SYNE1: variants seen among roughly 807,000 people sequenced by gnomAD.
The protein encoded by SYNE1 is nesprin-1.
Under a neutral mutation model 1,111.0 loss-of-function variants are expected in SYNE1, and 616 were observed. That is an observed-to-expected ratio of 0.55 (90% CI 0.52 to 0.59). The LOEUF is 0.59. Ranked by LOEUF, SYNE1 falls within the 20% of genes least tolerant of loss-of-function variation. The pLI is 0.00. For synonymous variants in SYNE1, 3,855 were observed against 3,825.8 expected, an observed-to-expected ratio of 1.01 and a Z score of -0.28; for missense variants, 10,006 against 10,417.0, an observed-to-expected ratio of 0.96 and a Z score of 1.72.
intron 63 of SYNE1, among the ~76,000 whole-genome samples, chr6:152,364,453 C>CT (rs5880969): frequency 0.02 from 3,014 of 147,978 alleles, 49 homozygotes; most frequent in African/African-American, 0.046. Flanking sequence ...CATTATGAAT[C>CT]TTTTTTTTTT....
At chr6:152,305,686 A>G (rs1341534243) in intron 91 of SYNE1, among the ~76,000 whole-genome samples, 1 of 152,202 alleles carries the variant, frequency 6.6e-6, no homozygotes, top group Non-Finnish European at 1.5e-5. Flanking sequence ...CAAGACAGAA[A>G]ATACAGGCAG....
In SYNE1 at chr6:152,221,409, G is replaced by A. The variant is rs1366878097; in HGVS notation, c.21656+17C>T. ...GGCTGTGATATAAATAGTGTGTAAA[G>A]TTAACATACTCCATACCTCATGTTG... On this transcript the variant is annotated intron_variant, in intron 118 of 145. Coordinates refer to ENST00000367255, the MANE Select transcript of SYNE1 (RefSeq NM_182961.4). 4 of 1,613,296 alleles carry A rather than the reference G, an allele frequency of 2.5e-6. No homozygotes were observed. The African/African-American group carries it at 5.3e-5, about 22-fold the overall frequency.
At position 152,189,335 on chromosome 6, in the gene SYNE1, CAG is replaced by C; in HGVS notation, c.23216_23217del (p.Ser7739CysfsTer6). 6.2e-7 allele frequency: 1 copy of C among 1,614,100 alleles called. No homozygotes were observed. The highest frequency in any genetic ancestry group is 8.5e-7 in the Non-Finnish European group (1 of 1,179,996). On this transcript the variant is annotated frameshift_variant, in exon 128 of 146. Coordinates refer to ENST00000367255, the MANE Select transcript of SYNE1 (RefSeq NM_182961.4). LOFTEE classifies it high-confidence loss of function. Reference protein sequence around the residue: ...TQLSLLKDTLSAYISADDISI... With the variant: ...TQLSLLKDTLXAYISADDISI... ...GAGATATCATCAGCACTGATATAGG[CAG>C]AGAGGGTGTCCTTCAGCAGGCTCAA... is the stretch of plus-strand genomic sequence containing the variant.
chr6:152,502,894 A>T (rs541664299), intron 9 of SYNE1, 152 bp from the exon 10 acceptor site: 51 of 634,712 alleles, frequency 8.0e-5, no homozygotes, highest in African/African-American at 6.9e-4. Flanking sequence ...AGGAGGGTAA[A>T]CCAAATTTAG....
chr6:152,153,698 C>T (rs1173262972), intron 133 of SYNE1, among the ~76,000 whole-genome samples: 1 of 152,112 alleles, frequency 6.6e-6, no homozygotes, highest in Non-Finnish European at 1.5e-5. Context: ...GTTTACTGTG[C>T]TTTTTACTAG....
intron 14 of SYNE1, among the ~76,000 whole-genome samples, chr6:152,480,341 C>A (rs573218389): frequency 2.4e-4 from 37 of 151,948 alleles, no homozygotes; most frequent in Admixed American, 1.8e-3. Flanking sequence ...GCCAACACGG[C>A]GAAACCACAT....
intron 11 of SYNE1, among the ~76,000 whole-genome samples, chr6:152,495,268 G>T (rs772541187): frequency 2.6e-5 from 4 of 152,132 alleles, no homozygotes; most frequent in Admixed American, 6.6e-5. Context: ...GGTCTGTGCA[G>T]ACACTTTCAC....
intron 42 of SYNE1, among the ~76,000 whole-genome samples, chr6:152,412,063 T>A (rs796193496): frequency 5.8e-4 from 88 of 152,290 alleles, no homozygotes; most frequent in African/African-American, 2.1e-3. Context: ...AGAACCCAAT[T>A]GTCCATCAAC....
intron 87 of SYNE1, chr6:152,316,460 C>G (rs765338): frequency 0.12 from 31,932 of 273,196 alleles, 2,857 homozygotes; most frequent in East Asian, 0.48. Context: ...CATGGCGGAG[C>G]TTGGTTTTCC....
intron 53 of SYNE1, among the ~76,000 whole-genome samples, chr6:152,388,290 G>A (rs1247985666): frequency 6.6e-6 from 1 of 151,108 alleles, no homozygotes; most frequent in Non-Finnish European, 1.5e-5. Context: ...CTGTCACCAA[G>A]GCTGTAGTGC....
intron 98 of SYNE1, among the ~76,000 whole-genome samples, chr6:152,273,751 A>G (rs1473648534): frequency 6.6e-6 from 1 of 152,248 alleles, no homozygotes; most frequent in Non-Finnish European, 1.5e-5. Context: ...GTGTGATAAT[A>G]GCTAGAGCTT....
intron 45 of SYNE1, among the ~76,000 whole-genome samples, chr6:152,404,522 G>A (rs1165570575): frequency 6.6e-6 from 1 of 151,472 alleles, no homozygotes; most frequent in African/African-American, 2.4e-5. Context: ...GAAGGAGTGT[G>A]CAGAACTTTG....
In SYNE1 at chr6:152,634,264, A is replaced by G. The variant is rs186966042; in HGVS notation, c.-224+2374T>C. 3.3e-5 allele frequency among the ~76,000 whole-genome samples: 5 copies of G among 152,376 alleles called. No individual in the cohort carries two copies. The East Asian group carries it at 9.6e-4, about 29-fold the overall frequency. On this transcript the variant is annotated intron_variant, in intron 2 of 145. Coordinates refer to ENST00000367255, the MANE Select transcript of SYNE1 (RefSeq NM_182961.4). ...TCATTTCTAACCAAAAAGAAAATGA[A>G]CTGAGAACATAAACACATAAACAGA...
chr6:152,127,015 T>A (rs577381065), intron 145 of SYNE1: 5 of 152,240 alleles, frequency 3.3e-5, no homozygotes, highest in African/African-American at 1.2e-4. Context: ...CCTGCCCTTA[T>A]GTGTCTTGTC....
intron 3 of SYNE1, among the ~76,000 whole-genome samples, chr6:152,604,846 C>T (rs1214989789): frequency 6.7e-6 from 1 of 149,468 alleles, no homozygotes; most frequent in Admixed American, 6.7e-5. Flanking sequence ...CCCAGCTACT[C>T]GGGAGGCTGA....
intron 93 of SYNE1, among the ~76,000 whole-genome samples, chr6:152,297,814 TGTGTGTGTGCGCGC>T (rs1016820858): frequency 1.7e-5 from 2 of 115,120 alleles, no homozygotes; most frequent in African/African-American, 8.9e-5. Flanking sequence ...TGTGTGTGTG[TGTGTGTGTGCGCGC>T]GCACGTGGCT....
At position 152,407,036 on chromosome 6, in the gene SYNE1, T is replaced by G; in HGVS notation, c.6701A>C (p.Glu2234Ala). The change falls in exon 45 of 146, where the codon GAA becomes GCA. Residue 2234 changes from glutamate to alanine, a missense_variant. By Grantham distance (107) the Glu-to-Ala change is moderately radical. This residue lies in a region of SYNE1 where 4,955 missense variants were observed against 5,017.2 expected (regional missense o/e 0.99). Transcript: ENST00000367255. Reference sequence around the variant, plus strand: ...TACCTCAAATTCTTTAAGCAGTTCTTCAGCTCTGAGGTGGTTATCCAGGTT... The same window carrying G: ...TACCTCAAATTCTTTAAGCAGTTCTGCAGCTCTGAGGTGGTTATCCAGGTT... The part of the protein sequence containing the change: ...ISNLDNHLRA[E>A]ELLKEFESEV... 1.9e-6 allele frequency: 3 copies of G among 1,613,978 alleles called. No homozygotes were observed. The highest frequency in any genetic ancestry group is 2.5e-6 in the Non-Finnish European group (3 of 1,179,950).
intron 3 of SYNE1, among the ~76,000 whole-genome samples, chr6:152,570,201 A>G (rs549975698): frequency 3.3e-5 from 5 of 152,280 alleles, no homozygotes; most frequent in African/African-American, 1.2e-4. Flanking sequence ...TGTTGCTCCT[A>G]TGTTCTTTCT....
At chr6:152,448,707 T>C (rs1005888241) in intron 28 of SYNE1, among the ~76,000 whole-genome samples, 4 of 152,042 alleles carry the variant, frequency 2.6e-5, no homozygotes. Flanking sequence ...CCAGGCATAG[T>C]GGCATGTGAC....
Sources: gnomAD v4.1 joint callset for allele counts (sites outside exome capture counted in the v4.1 genomes callset) on GRCh38, gnomAD v4.1.1 for gene constraint, gnomAD v4.1.1 regional missense constraint, MANE v1.5 for transcripts, NCBI Gene and HGNC (gene_info 2026-07-23, HGNC 2026-07-21) for gene names.